PUM2: variants seen among roughly 807,000 people sequenced by gnomAD.
PUM2 encodes pumilio homolog 2.
PUM2 carries 57 observed loss-of-function variants against 124.5 expected under a neutral mutation model. The ratio of observed to expected loss-of-function variants is 0.46; its 90% CI spans 0.37 to 0.57. The LOEUF is 0.57. Among genes scored for constraint, PUM2 ranks in the 20% least tolerant of loss-of-function variants. PUM2 has a pLI of 0.00. For synonymous variants in PUM2, 460 were observed against 446.1 expected, an observed-to-expected ratio of 1.03 and a Z score of -0.39; for missense variants, 1,065 against 1,290.6, an observed-to-expected ratio of 0.83 and a Z score of 2.68.
At chr2:20,334,803 T>C (rs72787498) in intron 1 of PUM2, among the ~76,000 whole-genome samples, 12,025 of 152,290 alleles carry the variant, frequency 0.079, 506 homozygotes, top group Non-Finnish European at 0.088. Flanking sequence ...AAGTCTGTCA[T>C]CTACAGCCTG....
rs578027223 is a variant in PUM2, at chr2:20,265,616, G to T, written c.1958-2156C>A. Among the ~76,000 whole-genome samples the T allele has an allele frequency of 6.6e-5, 10 of 152,244 alleles. No individual in the cohort carries two copies. The South Asian group carries it at 1.9e-3, about 28-fold the overall frequency. The stretch of plus-strand genomic sequence containing the variant: ...GGTTAAAATTTTTTCTTAATCAGCT[G>T]AATTTAAGATTCACCAATCCAATTT... On this transcript the variant is annotated intron_variant, in intron 13 of 20. Transcript: ENST00000361078.
chr2:20,290,591 T>C, intron 10 of PUM2, 61 bp downstream of exon 10: 1 of 1,484,134 alleles, frequency 6.7e-7, no homozygotes, highest in Non-Finnish European at 9.0e-7. Context: ...CTCTTCAGTG[T>C]GAGTACCTAC....
At chr2:20,260,304 T>C in intron 15 of PUM2, 33 bp downstream of exon 15, 1 of 1,576,792 alleles carries the variant, frequency 6.3e-7, no homozygotes, top group East Asian at 2.3e-5. Flanking sequence ...AACAGCTGGA[T>C]GGGCGGATAT....
intron 5 of PUM2, among the ~76,000 whole-genome samples, chr2:20,309,690 C>T (rs1679176965): frequency 6.6e-6 from 1 of 152,158 alleles, no homozygotes; most frequent in Non-Finnish European, 1.5e-5. Context: ...AACTTGAGTA[C>T]ATTAAGTAAA....
intron 1 of PUM2, among the ~76,000 whole-genome samples, chr2:20,333,519 GCAACAA>G (rs555891761): frequency 2.6e-5 from 4 of 151,604 alleles, no homozygotes; most frequent in Non-Finnish European, 4.4e-5. Flanking sequence ...AAAAAGAAAA[GCAACAA>G]CAACAACAAC....
At chr2:20,329,903 T>A (rs1684542551) in intron 1 of PUM2, among the ~76,000 whole-genome samples, 1 of 152,006 alleles carries the variant, frequency 6.6e-6, no homozygotes, top group South Asian at 2.1e-4. Context: ...AACAGGATGG[T>A]AAAAATATTG....
chr2:20,341,176 C>A (rs193212726), intron 1 of PUM2, among the ~76,000 whole-genome samples: 6 of 152,198 alleles, frequency 3.9e-5, no homozygotes, highest in African/African-American at 1.4e-4. Flanking sequence ...GCACAGCCCC[C>A]CTCTCCCTGC....
At position 20,298,918 on chromosome 2, in the gene PUM2, C is replaced by T. The variant is rs192947499; in HGVS notation, c.884-1240G>A. On this transcript the variant is annotated intron_variant, in intron 7 of 20. Transcript: ENST00000361078. ...CAAAAGGAAAATATATCTTACTAGG[C>T]CTTAAAATCAAAATTCAGGTTCCTG... Among the ~76,000 whole-genome samples, 21 of 152,202 alleles carry T rather than the reference C, an allele frequency of 1.4e-4. No homozygotes were observed. In the East Asian group the frequency reaches 3.9e-3, roughly 28 times the overall value.
intron 10 of PUM2, among the ~76,000 whole-genome samples, chr2:20,286,463 T>C (rs527253846): frequency 6.6e-6 from 1 of 152,356 alleles, no homozygotes; most frequent in South Asian, 2.1e-4. Context: ...CAACATTTTC[T>C]AATTTACTAA....
chr2:20,336,111 G>A (rs1223499392), intron 1 of PUM2, among the ~76,000 whole-genome samples: 1 of 152,160 alleles, frequency 6.6e-6, no homozygotes, highest in East Asian at 1.9e-4. Flanking sequence ...AGAGAAGCAG[G>A]TCAAATAATT....
Position 20,251,453 on chromosome 2 carries a change from G to T in PUM2, c.*132C>A. 2.7e-6 allele frequency: 3 copies of T among 1,128,886 alleles called. No individual in the cohort carries two copies. Among genetic ancestry groups the T allele is most frequent in the East Asian group, 2.5e-5 (1 of 39,296 alleles). 69.9% of individuals were successfully genotyped at this position (1,128,886 alleles called of 1,614,324 possible). A position where few individuals can be genotyped will look rare whatever the true frequency, so the allele number is the denominator to read the frequency against. On this transcript the variant is annotated 3_prime_UTR_variant, in exon 21 of 21. Transcript: ENST00000361078. Reference sequence around the variant, plus strand: ...AACCTTAAAAAATTTACAAATGGATGAATAAAGTCAATAAATAGTTTTGCT... The same window carrying T: ...AACCTTAAAAAATTTACAAATGGATTAATAAAGTCAATAAATAGTTTTGCT...
chr2:20,335,113 A>G (rs1217825440), intron 1 of PUM2, among the ~76,000 whole-genome samples: 7 of 152,106 alleles, frequency 4.6e-5, no homozygotes, highest in Admixed American at 2.6e-4. Context: ...TTGTAGAGAC[A>G]GGGGTCTCCC....
intron 13 of PUM2, among the ~76,000 whole-genome samples, chr2:20,267,091 T>C (rs1240387273): frequency 6.6e-6 from 1 of 151,922 alleles, no homozygotes; most frequent in African/African-American, 2.4e-5. Context: ...GATGCAATCT[T>C]GGCTCACTGC....
At position 20,294,365 on chromosome 2, in the gene PUM2, G is replaced by A. The variant is rs2148242420; in HGVS notation, c.1152+11C>T. 6.2e-7 allele frequency: 1 copy of A among 1,612,584 alleles called. No individual in the cohort carries two copies. Among genetic ancestry groups the A allele is most frequent in the Non-Finnish European group, 8.5e-7 (1 of 1,179,456 alleles). ...GAATACTTGGTATTACTTAATAGAA[G>A]GAAGGCCTACCTGTTGCTGTCCAGG... On this transcript the variant is annotated intron_variant, in intron 9 of 20. Coordinates refer to ENST00000361078, the MANE Select transcript of PUM2 (RefSeq NM_015317.5).
intron 13 of PUM2, among the ~76,000 whole-genome samples, chr2:20,275,145 A>G (rs1669955839): frequency 6.6e-6 from 1 of 151,792 alleles, no homozygotes; most frequent in South Asian, 2.1e-4. Context: ...TAATCCTAAA[A>G]TCATTCTCTC....
chr2:20,335,874 A>G (rs1334313808), intron 1 of PUM2, among the ~76,000 whole-genome samples: 2 of 152,246 alleles, frequency 1.3e-5, no homozygotes, highest in East Asian at 1.9e-4. Flanking sequence ...ATGTGCAAAC[A>G]TAAGATTTTT....
chr2:20,266,452 A>T (rs1667669757), intron 13 of PUM2, among the ~76,000 whole-genome samples: 1 of 151,702 alleles, frequency 6.6e-6, no homozygotes. Context: ...CTCAAAAACG[A>T]AACAAAACAA....
At chr2:20,261,590 G>C (rs1426379845) in intron 14 of PUM2, among the ~76,000 whole-genome samples, 1 of 150,182 alleles carries the variant, frequency 6.7e-6, no homozygotes, top group East Asian at 1.9e-4. Flanking sequence ...TCCAGAAAAA[G>C]CACTGTTATC....
intron 8 of PUM2, 92 bp from the exon 9 acceptor site, chr2:20,294,610 A>C: frequency 1.5e-6 from 2 of 1,366,032 alleles, no homozygotes; most frequent in Non-Finnish European, 2.0e-6. Context: ...AAAAGGGGGC[A>C]GGAAGAAGAC....
Sources: allele counts gnomAD v4.1 joint callset (sites outside exome capture counted in the v4.1 genomes callset), GRCh38; gene constraint gnomAD v4.1.1; transcripts MANE v1.5; gene names NCBI Gene and HGNC (gene_info 2026-07-23, HGNC 2026-07-21).